GPM6A: variants seen among roughly 807,000 people sequenced by gnomAD.
GPM6A encodes the protein glycoprotein M6A.
Under a neutral mutation model 32.1 loss-of-function variants are expected in GPM6A, and 7 were observed. The observed-to-expected ratio is 0.22, with a 90% CI of 0.12 to 0.41. The LOEUF (loss-of-function observed/expected upper bound fraction) is 0.41. Among genes scored for constraint, GPM6A ranks in the 10% least tolerant of loss-of-function variants. GPM6A has a pLI of 1.00. For synonymous variants in GPM6A, 130 were observed against 123.4 expected, an observed-to-expected ratio of 1.05 and a Z score of -0.35; for missense variants, 235 against 347.2, an observed-to-expected ratio of 0.68 and a Z score of 2.57.
intron 1 of GPM6A, among the ~76,000 whole-genome samples, chr4:175,898,646 C>A (rs1056630775): frequency 1.3e-5 from 2 of 152,152 alleles, no homozygotes; most frequent in Non-Finnish European, 2.9e-5. Context: ...GCAGGATTCA[C>A]ACCTTATTCT....
intron 1 of GPM6A, among the ~76,000 whole-genome samples, chr4:175,854,978 T>C (rs778596745): frequency 7.2e-5 from 11 of 152,202 alleles, no homozygotes; most frequent in Non-Finnish European, 1.5e-4. Context: ...AGGGTAGACA[T>C]TGAGAAGAGT....
At chr4:175,993,870 G>T (rs948657197) in intron 1 of GPM6A, among the ~76,000 whole-genome samples, 1 of 152,114 alleles carries the variant, frequency 6.6e-6, no homozygotes, top group Non-Finnish European at 1.5e-5. Flanking sequence ...TTCATCAGAC[G>T]CAGTATTTAC....
intron 1 of GPM6A, among the ~76,000 whole-genome samples, chr4:175,872,417 C>T (rs1736940531): frequency 6.6e-6 from 1 of 152,216 alleles, no homozygotes; most frequent in Admixed American, 6.5e-5. Flanking sequence ...GCCATCTTGG[C>T]TTCAACCCAG....
intron 1 of GPM6A, among the ~76,000 whole-genome samples, chr4:175,792,654 A>G (rs1487338030): frequency 6.6e-6 from 1 of 152,188 alleles, no homozygotes; most frequent in Non-Finnish European, 1.5e-5. Context: ...TTTGCTTAAT[A>G]AGTTTATATT....
intron 3 of GPM6A, among the ~76,000 whole-genome samples, chr4:175,662,992 A>G (rs1742516278): frequency 6.6e-6 from 1 of 152,156 alleles, no homozygotes; most frequent in African/African-American, 2.4e-5. Context: ...AAAAAATATA[A>G]ATTTTCCCTA....
chr4:175,870,104 A>G lies in GPM6A; in HGVS notation c.-22-57855T>C, dbSNP rs574745480. Among the ~76,000 whole-genome samples, 6 of 152,328 alleles carry G rather than the reference A, an allele frequency of 3.9e-5. No homozygotes were observed. The South Asian group carries it at 8.3e-4, about 21-fold the overall frequency. On this transcript the variant is annotated intron_variant, in intron 1 of 7. Transcript: ENST00000280187. Reference sequence around the variant, plus strand: ...TAACAAACTGAATTGCCATAGTAGTATAGTGTGATTAGTGCTATAATTCCA... The same window carrying G: ...TAACAAACTGAATTGCCATAGTAGTGTAGTGTGATTAGTGCTATAATTCCA...
chr4:175,636,260 G>GTATATATATATATATA (rs34516159), intron 6 of GPM6A, among the ~76,000 whole-genome samples: 2 of 101,338 alleles, frequency 2.0e-5, no homozygotes, highest in African/African-American at 4.0e-5. Context: ...CATAATCACT[G>GTATATATATATATATA]TATATATATA....
At chr4:175,669,282 C>T (rs1272964772) in intron 3 of GPM6A, among the ~76,000 whole-genome samples, 3 of 152,084 alleles carry the variant, frequency 2.0e-5, no homozygotes, top group South Asian at 4.1e-4. Context: ...ATCTAATATG[C>T]TGTGGCCAAA....
intron 1 of GPM6A, among the ~76,000 whole-genome samples, chr4:175,847,250 C>A (rs905167195): frequency 6.6e-6 from 1 of 152,124 alleles, no homozygotes. Flanking sequence ...AAAGCAAATT[C>A]CTTTCCTTAA....
chr4:175,945,392 A>G (rs1739557535), intron 1 of GPM6A, among the ~76,000 whole-genome samples: 1 of 152,116 alleles, frequency 6.6e-6, no homozygotes, highest in Non-Finnish European at 1.5e-5. Context: ...AAAACTTTTT[A>G]AAACCCCATC....
intron 1 of GPM6A, among the ~76,000 whole-genome samples, chr4:175,941,226 T>C (rs1739393688): frequency 6.6e-6 from 1 of 152,184 alleles, no homozygotes; most frequent in African/African-American, 2.4e-5. Context: ...TTCTAAATAA[T>C]GAACATCATT....
At chr4:175,663,789 G>A (rs910553693) in intron 3 of GPM6A, among the ~76,000 whole-genome samples, 3 of 151,350 alleles carry the variant, frequency 2.0e-5, no homozygotes, top group Non-Finnish European at 2.9e-5. Context: ...CACGTCCTGG[G>A]TTCACGCCAT....
At chr4:175,677,018 A>G (rs1449195716) in intron 2 of GPM6A, among the ~76,000 whole-genome samples, 1 of 152,170 alleles carries the variant, frequency 6.6e-6, no homozygotes, top group African/African-American at 2.4e-5. Context: ...AGTAAATTTC[A>G]GCATACCAGT....
intron 2 of GPM6A, among the ~76,000 whole-genome samples, chr4:175,694,038 C>T (rs1744437798): frequency 2.0e-5 from 3 of 152,146 alleles, no homozygotes; most frequent in African/African-American, 4.8e-5. Context: ...TCCCTTTTGC[C>T]TTCCACCATA....
At chr4:175,726,464 C>T (rs764714127) in intron 1 of GPM6A, among the ~76,000 whole-genome samples, 85 of 152,144 alleles carry the variant, frequency 5.6e-4, no homozygotes, top group Non-Finnish European at 1.0e-3. Context: ...TGAATAAATT[C>T]TAATGAATAT....
chr4:175,665,579 T>C (rs79873052), intron 3 of GPM6A, among the ~76,000 whole-genome samples: 7,540 of 151,960 alleles, frequency 0.05, 207 homozygotes, highest in Non-Finnish European at 0.061. Flanking sequence ...GCAGGAGGTG[T>C]TTGAGACCAG....
intron 1 of GPM6A, among the ~76,000 whole-genome samples, chr4:175,745,835 A>C (rs542838436): frequency 8.1e-4 from 123 of 152,298 alleles, no homozygotes; most frequent in Admixed American, 1.1e-3. Flanking sequence ...ATGGGGGTCA[A>C]GTTGGGAAGA....
chr4:175,697,619 T>C (rs1744653299), intron 2 of GPM6A, among the ~76,000 whole-genome samples: 1 of 152,084 alleles, frequency 6.6e-6, no homozygotes, highest in African/African-American at 2.4e-5. Context: ...ATTAAGGGAT[T>C]AAAAGCTTCT....
intron 1 of GPM6A, among the ~76,000 whole-genome samples, chr4:175,874,073 A>G (rs765761178): frequency 1.3e-5 from 2 of 152,218 alleles, no homozygotes; most frequent in Admixed American, 6.5e-5. Context: ...TAGTGTAAAA[A>G]GAAAATGGTA....
Sources: gnomAD v4.1 joint callset for allele counts (sites outside exome capture counted in the v4.1 genomes callset) on GRCh38, gnomAD v4.1.1 for gene constraint, MANE v1.5 for transcripts, NCBI Gene and HGNC (gene_info 2026-07-23, HGNC 2026-07-21) for gene names.